PDE1A: variants seen among roughly 807,000 people sequenced by gnomAD.
PDE1A encodes dual specificity calcium/calmodulin-dependent 3',5'-cyclic nucleotide phosphodiesterase 1A.
PDE1A carries 35 observed loss-of-function variants against 61.7 expected under a neutral mutation model. That is an observed-to-expected ratio of 0.57 (90% CI 0.43 to 0.75). PDE1A has a LOEUF of 0.75. PDE1A is among the 30% of genes least tolerant of loss of function. The pLI is 0.00. For synonymous variants in PDE1A, 232 were observed against 213.2 expected (o/e 1.09, Z -0.77); for missense variants, 597 against 630.6 (o/e 0.95, Z 0.57).
upstream of PDE1A, among the ~76,000 whole-genome samples, chr2:182,524,662 C>T (rs55807818): frequency 0.066 from 10,025 of 152,002 alleles, 355 homozygotes; most frequent in Middle Eastern, 0.099. Context: ...CCAAGATAAT[C>T]TTCATCCTTA....
the PDE1A span, among the ~76,000 whole-genome samples, chr2:182,678,968 G>C: frequency 6.7e-6 from 1 of 150,274 alleles, no homozygotes. Flanking sequence ...ACATTTCTGA[G>C]ATGATGGATA....
Position 182,210,739 on chromosome 2 carries a change from T to C in PDE1A, c.777-4674A>G, listed in dbSNP as rs536840395. 2.8e-4 allele frequency among the ~76,000 whole-genome samples: 43 copies of C among 152,044 alleles called. 1 individual carries two copies. The South Asian group carries it at 6.0e-3, about 21-fold the overall frequency. The stretch of plus-strand genomic sequence containing the variant: ...AAAGTCATCACCAAATCTAAGGTCA[T>C]CTAGATTTTTCTTCTATGTAATCTT... On this transcript the variant is annotated intron_variant, in intron 7 of 13. Transcript: ENST00000351439.
intron 2 of PDE1A, among the ~76,000 whole-genome samples, chr2:182,494,020 G>C (rs561024274): frequency 1.3e-5 from 2 of 152,308 alleles, no homozygotes; most frequent in African/African-American, 4.8e-5. Flanking sequence ...TATATAAACA[G>C]AGAATGATAA....
In PDE1A at chr2:182,229,538, A is replaced by C. The variant is rs561817405; in HGVS notation, c.675+468T>G. On this transcript the variant is annotated intron_variant, in intron 6 of 13. Coordinates refer to ENST00000351439, the Ensembl canonical transcript of PDE1A. ...CATCAAATGCAAAGAAGAGGAAGGA[A>C]ATTTTGCAAAAATTGACATTAATAA... is the stretch of plus-strand genomic sequence containing the variant. Among the ~76,000 whole-genome samples the C allele has an allele frequency of 3.9e-5, 6 of 152,292 alleles. No homozygotes were observed. The South Asian group carries it at 1.2e-3, about 32-fold the overall frequency.
At chr2:182,629,755 G>A in the PDE1A span, among the ~76,000 whole-genome samples, 60 of 152,276 alleles carry the variant, frequency 3.9e-4, no homozygotes, top group Middle Eastern at 6.8e-3. Flanking sequence ...TCCTAAGGGT[G>A]ACAGTGCTAG....
In PDE1A at chr2:182,335,039, G is replaced by A. The variant is rs531957630; in HGVS notation, c.54-70625C>T. Among the ~76,000 whole-genome samples, 4 of 152,210 alleles carry A rather than the reference G, an allele frequency of 2.6e-5. No homozygotes were observed. In the East Asian group the frequency reaches 7.7e-4, roughly 29 times the overall value. ...CCCCCATTTACAATTTCTACAAGGA[G>A]AATAAAGTAACTAAGAATACAGCTT... On this transcript the variant is annotated intron_variant, in intron 1 of 13. Transcript: ENST00000351439.
intron 1 of PDE1A, among the ~76,000 whole-genome samples, chr2:182,275,592 A>G (rs1693349617): frequency 6.6e-6 from 1 of 152,138 alleles, no homozygotes; most frequent in Non-Finnish European, 1.5e-5. Context: ...GGTATCTAGA[A>G]TAAGGTATTT....
intron 1 of PDE1A, among the ~76,000 whole-genome samples, chr2:182,379,279 C>A (rs1700591180): frequency 6.6e-6 from 1 of 152,184 alleles, no homozygotes; most frequent in African/African-American, 2.4e-5. Context: ...TCACAAAAGT[C>A]CTGCAATGTT....
intron 2 of PDE1A, among the ~76,000 whole-genome samples, chr2:182,520,933 C>T (rs2125989592): frequency 6.6e-6 from 1 of 152,080 alleles, no homozygotes; most frequent in African/African-American, 2.4e-5. Flanking sequence ...AGAACAACCT[C>T]ACCAAAAAGC....
chr2:182,261,222 G>C (rs1214159835), intron 2 of PDE1A, among the ~76,000 whole-genome samples: 2 of 152,186 alleles, frequency 1.3e-5, no homozygotes, highest in Non-Finnish European at 2.9e-5. Context: ...ATAGAGGAAG[G>C]AGTACTAAAT....
At chr2:182,516,520 G>A (rs991644603) in intron 2 of PDE1A, among the ~76,000 whole-genome samples, 1 of 151,836 alleles carries the variant, frequency 6.6e-6, no homozygotes, top group Non-Finnish European at 1.5e-5. Context: ...AGGTGTGGTG[G>A]CACATGCCTG....
At chr2:182,165,994 G>T (rs1478274652), downstream of PDE1A, among the ~76,000 whole-genome samples, 3 of 152,120 alleles carry the variant, frequency 2.0e-5, no homozygotes, top group Non-Finnish European at 2.9e-5. Flanking sequence ...CTGAGGATGG[G>T]ATTAGTACAC....
chr2:182,527,451 G>T (rs957126414), upstream of PDE1A, among the ~76,000 whole-genome samples: 5 of 147,172 alleles, frequency 3.4e-5, no homozygotes, highest in South Asian at 4.4e-4. Flanking sequence ...CCTGCTACTT[G>T]GGGGGCTGAG....
chr2:182,657,147 C>T, the PDE1A span, among the ~76,000 whole-genome samples: 1 of 152,078 alleles, frequency 6.6e-6, no homozygotes, highest in Non-Finnish European at 1.5e-5. Flanking sequence ...CGCTTGAACC[C>T]GGGAGGTGGA....
At chr2:182,355,099 T>C (rs987401294) in intron 1 of PDE1A, among the ~76,000 whole-genome samples, 1 of 152,046 alleles carries the variant, frequency 6.6e-6, no homozygotes, top group African/African-American at 2.4e-5. Context: ...TGTATTTTAA[T>C]GGACATTAAT....
intron 1 of PDE1A, among the ~76,000 whole-genome samples, chr2:182,343,224 A>T (rs1698310163): frequency 6.6e-6 from 1 of 152,194 alleles, no homozygotes; most frequent in African/African-American, 2.4e-5. Flanking sequence ...GTCACAGTTC[A>T]AGGTTGTTTT....
chr2:182,320,139 T>C (rs1696607505), intron 1 of PDE1A, among the ~76,000 whole-genome samples: 2 of 152,196 alleles, frequency 1.3e-5, no homozygotes, highest in Non-Finnish European at 2.9e-5. Context: ...TTAATGAATA[T>C]TCTAAGTAAT....
intron 2 of PDE1A, among the ~76,000 whole-genome samples, chr2:182,512,047 C>T (rs2125955218): frequency 6.6e-6 from 1 of 152,314 alleles, no homozygotes; most frequent in Non-Finnish European, 1.5e-5. Flanking sequence ...TGTGTGCAAA[C>T]CTCCTCACAC....
At chr2:182,201,773 C>T (rs779433154) in exon 9 of PDE1A, 1 of 1,606,848 alleles carries the variant, frequency 6.2e-7, no homozygotes, top group Non-Finnish European at 8.5e-7. Flanking sequence ...ATTTCAATCA[C>T]TAGGTTCCGA....
Sources: allele counts gnomAD v4.1 joint callset (sites outside exome capture counted in the v4.1 genomes callset), GRCh38; gene constraint gnomAD v4.1.1; transcripts MANE v1.5; gene names NCBI Gene and HGNC (gene_info 2026-07-23, HGNC 2026-07-21).